The following RNLS variants were observed in gnomAD, a reference collection of about 807,000 sequenced individuals.
The protein encoded by RNLS is renalase, FAD dependent amine oxidase, also known as renalase.
RNLS carries 39 observed loss-of-function variants against 39.8 expected under a neutral mutation model. The observed-to-expected ratio is 0.98, with a 90% CI of 0.76 to 1.28. RNLS has a LOEUF of 1.28. Ranked by LOEUF, RNLS falls within the 50% of genes most tolerant of loss-of-function variation. The probability of loss-of-function intolerance (pLI) is 0.00; values close to 1 mark genes in which losing one functional copy is unlikely to be tolerated. For missense variants in RNLS, 410 were observed against 413.3 expected (o/e 0.99, Z 0.07); for synonymous variants, 147 against 150.7 (o/e 0.98, Z 0.18).
the RNLS span, among the ~76,000 whole-genome samples, chr10:88,233,719 C>G: frequency 6.6e-6 from 1 of 152,102 alleles, no homozygotes; most frequent in African/African-American, 2.4e-5. Flanking sequence ...CAAGAGTAAG[C>G]CTGTTCCCTC....
At chr10:88,539,058 A>G (rs1847915149) in intron 4 of RNLS, among the ~76,000 whole-genome samples, 1 of 152,162 alleles carries the variant, frequency 6.6e-6, no homozygotes, top group African/African-American at 2.4e-5. Context: ...TAGTTTTAAG[A>G]GATTTGGAAA....
intron 5 of RNLS, among the ~76,000 whole-genome samples, chr10:88,352,472 C>G (rs1848791284): frequency 6.6e-6 from 1 of 152,132 alleles, no homozygotes; most frequent in Non-Finnish European, 1.5e-5. Context: ...TGGCTTTTGT[C>G]TTTGGTTCTG....
intron 5 of RNLS, among the ~76,000 whole-genome samples, chr10:88,322,460 C>T (rs1218564896): frequency 6.6e-6 from 1 of 152,084 alleles, no homozygotes; most frequent in Non-Finnish European, 1.5e-5. Context: ...GGCAGTTTTC[C>T]CCATGCTGTT....
chr10:88,281,425 G>A (rs1190044318), downstream of RNLS, among the ~76,000 whole-genome samples: 1 of 152,138 alleles, frequency 6.6e-6, no homozygotes, highest in Non-Finnish European at 1.5e-5. Flanking sequence ...TTCACTGCCT[G>A]TGACCTTGTC....
intron 4 of RNLS, among the ~76,000 whole-genome samples, chr10:88,455,826 C>T (rs1291563391): frequency 3.3e-5 from 5 of 152,072 alleles, no homozygotes; most frequent in African/African-American, 1.2e-4. Context: ...GGTTATTTCC[C>T]ACAAAACAAA....
chr10:88,546,030 G>C (rs1248379723), intron 4 of RNLS, among the ~76,000 whole-genome samples: 1 of 152,078 alleles, frequency 6.6e-6, no homozygotes, highest in African/African-American at 2.4e-5. Context: ...GCCCTAAACT[G>C]GTAGGGGGGA....
the RNLS span, among the ~76,000 whole-genome samples, chr10:88,216,205 A>G: frequency 6.6e-6 from 1 of 152,196 alleles, no homozygotes; most frequent in Non-Finnish European, 1.5e-5. Flanking sequence ...TGCATTAATA[A>G]TAGGCTCCAA....
chr10:88,483,730 T>C (rs1844338053), intron 4 of RNLS, among the ~76,000 whole-genome samples: 1 of 152,104 alleles, frequency 6.6e-6, no homozygotes, highest in African/African-American at 2.4e-5. Context: ...TGTTCACACT[T>C]CTTTCCAGAG....
intron 5 of RNLS, among the ~76,000 whole-genome samples, chr10:88,332,867 C>T (rs1283413577): frequency 6.6e-6 from 1 of 152,094 alleles, no homozygotes; most frequent in Non-Finnish European, 1.5e-5. Flanking sequence ...TATGATGTAC[C>T]ATTTAAGATT....
At chr10:88,391,958 G>A (rs1344010783) in intron 4 of RNLS, among the ~76,000 whole-genome samples, 1 of 152,210 alleles carries the variant, frequency 6.6e-6, no homozygotes, top group East Asian at 1.9e-4. Flanking sequence ...GCAGCCCCCG[G>A]AGGGGATAGA....
chr10:88,414,143 T>A (rs887718508), intron 4 of RNLS, among the ~76,000 whole-genome samples: 1 of 152,172 alleles, frequency 6.6e-6, no homozygotes. Context: ...ATATTCTGAA[T>A]CTATGTGGTC....
intron 4 of RNLS, among the ~76,000 whole-genome samples, chr10:88,517,476 C>A (rs1417452139): frequency 6.6e-6 from 1 of 151,778 alleles, no homozygotes; most frequent in Non-Finnish European, 1.5e-5. Flanking sequence ...CTAATTTTTA[C>A]AATATTGTCT....
At chr10:88,207,499 T>A in the RNLS span, among the ~76,000 whole-genome samples, 3 of 152,130 alleles carry the variant, frequency 2.0e-5, no homozygotes, top group Admixed American at 6.6e-5. Context: ...GGTACTAGAA[T>A]AGTCAAAATT....
intron 5 of RNLS, among the ~76,000 whole-genome samples, chr10:88,322,888 T>C (rs1846289908): frequency 6.6e-6 from 1 of 152,140 alleles, no homozygotes. Flanking sequence ...GAAAGCCTAA[T>C]GACTGCTCCA....
intron 4 of RNLS, among the ~76,000 whole-genome samples, chr10:88,572,644 T>C (rs936401116): frequency 6.6e-6 from 1 of 152,214 alleles, no homozygotes; most frequent in African/African-American, 2.4e-5. Flanking sequence ...AATCATTTCA[T>C]ATCCATCAAA....
intron 5 of RNLS, among the ~76,000 whole-genome samples, chr10:88,333,899 G>C (rs1421052725): frequency 6.6e-6 from 1 of 152,174 alleles, no homozygotes. Context: ...CTCTGAAGGA[G>C]AGAGTGAACC....
At chr10:88,542,050 G>A (rs1284231502) in intron 4 of RNLS, among the ~76,000 whole-genome samples, 1 of 152,118 alleles carries the variant, frequency 6.6e-6, no homozygotes, top group Non-Finnish European at 1.5e-5. Context: ...TTATATGACT[G>A]TAAGAGCCCC....
At chr10:88,533,220 G>C (rs1161706437) in intron 4 of RNLS, among the ~76,000 whole-genome samples, 2 of 151,984 alleles carry the variant, frequency 1.3e-5, no homozygotes, top group African/African-American at 4.8e-5. Context: ...TATTTATTAA[G>C]AAATGTTGGC....
At chr10:88,320,864 C>T (rs748669941) in intron 5 of RNLS, among the ~76,000 whole-genome samples, 2 of 146,624 alleles carry the variant, frequency 1.4e-5, no homozygotes, top group Non-Finnish European at 3.0e-5. Context: ...GGGGTTTCAA[C>T]ACCATGCTGA....
Sources: gnomAD v4.1 joint callset for allele counts (sites outside exome capture counted in the v4.1 genomes callset) on GRCh38, gnomAD v4.1.1 for gene constraint, MANE v1.5 for transcripts, NCBI Gene and HGNC (gene_info 2026-07-23, HGNC 2026-07-21) for gene names.